The following ZNF225 variants were observed in gnomAD, a reference collection of about 807,000 sequenced individuals.
The protein encoded by ZNF225 is zinc finger protein 225.
In ZNF225, 6 loss-of-function variants were observed where a neutral mutation model predicts 12.0. The ratio of observed to expected loss-of-function variants is 0.50; its 90% CI spans 0.27 to 0.98. The LOEUF (loss-of-function observed/expected upper bound fraction) is 0.98, where lower values mean the gene tolerates loss of function less well. Among genes scored for constraint, ZNF225 ranks in the 50% least tolerant of loss-of-function variants. The pLI is 0.11. For synonymous variants in ZNF225, 271 were observed against 283.2 expected (o/e 0.96, Z 0.43); for missense variants, 763 against 848.2 (o/e 0.90, Z 1.25).
chr19:44,116,180 C>T (rs891160704), intron 2 of ZNF225, among the ~76,000 whole-genome samples: 6 of 152,190 alleles, frequency 3.9e-5, no homozygotes, highest in Non-Finnish European at 7.3e-5. Flanking sequence ...TCTCACTACT[C>T]ATATTCTCAC....
At chr19:44,124,678 T>C (rs1255730938) in intron 4 of ZNF225, among the ~76,000 whole-genome samples, 1 of 152,184 alleles carries the variant, frequency 6.6e-6, no homozygotes, top group Non-Finnish European at 1.5e-5. Flanking sequence ...AGTAATTGTT[T>C]TATAAATTTG....
At chr19:44,127,400 C>T (rs1968169709) in intron 4 of ZNF225, among the ~76,000 whole-genome samples, 1 of 152,326 alleles carries the variant, frequency 6.6e-6, no homozygotes, top group Admixed American at 6.5e-5. Context: ...TCTCCAGGGT[C>T]CTGCAGGAGC....
chr19:44,118,454 C>G (rs370346059), intron 3 of ZNF225, 28 bp from the exon 4 acceptor site: 1 of 1,613,074 alleles, frequency 6.2e-7, no homozygotes, highest in Non-Finnish European at 8.5e-7. Flanking sequence ...TATATTGGCA[C>G]TAAGCACATG....
intron 4 of ZNF225, among the ~76,000 whole-genome samples, chr19:44,124,718 T>A (rs1055427606): frequency 6.6e-6 from 1 of 152,210 alleles, no homozygotes; most frequent in Non-Finnish European, 1.5e-5. Context: ...CATATATGTT[T>A]AGGATTATGA....
rs142304147 is a variant in ZNF225, at chr19:44,127,670, C to T, written c.236-3180C>T. On this transcript the variant is annotated intron_variant, in intron 4 of 4. Transcript: ENST00000262894. Reference sequence around the variant, plus strand: ...TTTTATTTTATTTTATTTTTTGAGACGGAGTCTGCCTCTGTCACACAGACT... The same window carrying T: ...TTTTATTTTATTTTATTTTTTGAGATGGAGTCTGCCTCTGTCACACAGACT... Among the ~76,000 whole-genome samples the T allele has an allele frequency of 6.3e-3, 963 of 151,952 alleles. 12 individuals are homozygous for T. The highest frequency in any genetic ancestry group is 0.022 in the African/African-American group (906 of 41,390).
In ZNF225 at chr19:44,133,641, A is replaced by G. The variant is rs1968331858; in HGVS notation, c.*906A>G. 1 of 152,170 alleles carries G rather than the reference A, an allele frequency of 6.6e-6. No individual in the cohort carries two copies. Among genetic ancestry groups the G allele is most frequent in the African/African-American group, 2.4e-5 (1 of 41,432 alleles). The allele number at this position is 152,170 out of a possible 1,614,324, so 9.4% of individuals were successfully genotyped here. On this transcript the variant is annotated 3_prime_UTR_variant, in exon 5 of 5. Coordinates refer to ENST00000262894, the MANE Select transcript of ZNF225 (RefSeq NM_013362.4). ...TATGGGTAGGGAACAATAGCATGACAGCAGTGCGGCCTCTAACAGTCTGGA... is the reference window on the plus strand; with the variant it reads ...TATGGGTAGGGAACAATAGCATGACGGCAGTGCGGCCTCTAACAGTCTGGA...
intron 4 of ZNF225, among the ~76,000 whole-genome samples, chr19:44,122,212 G>A (rs1278139059): frequency 6.6e-6 from 1 of 152,128 alleles, no homozygotes; most frequent in Non-Finnish European, 1.5e-5. Flanking sequence ...TCTCCTACAT[G>A]TGGCTAGCCA....
At chr19:44,123,908 G>C (rs1350412371) in intron 4 of ZNF225, among the ~76,000 whole-genome samples, 4 of 151,940 alleles carry the variant, frequency 2.6e-5, no homozygotes, top group African/African-American at 9.7e-5. Flanking sequence ...CTTGCTAATG[G>C]CCTATCAATT....
intron 1 of ZNF225, among the ~76,000 whole-genome samples, chr19:44,113,795 C>T (rs1207058039): frequency 6.6e-6 from 1 of 152,204 alleles, no homozygotes; most frequent in Non-Finnish European, 1.5e-5. Flanking sequence ...CCTTGGGTCT[C>T]CCGTTACAGT....
chr19:44,113,509 T>C lies in ZNF225; in HGVS notation c.-129T>C, dbSNP rs929621281. On this transcript the variant is annotated 5_prime_UTR_variant, in exon 1 of 5. Transcript: ENST00000262894. ...CTTCTGAATTTCCTGGACCTACGCA[T>C]TGGATCCTTAACGAACTGGTGATCG... 1 of 152,180 alleles carries C rather than the reference T, an allele frequency of 6.6e-6. No individual in the cohort carries two copies. The highest frequency in any genetic ancestry group is 2.4e-5 in the African/African-American group (1 of 41,436). The allele number at this position is 152,180 out of a possible 1,614,324, so 9.4% of individuals were successfully genotyped here.
chr19:44,131,811 A>G lies in ZNF225; in HGVS notation c.1197A>G (p.Thr399=). 1 of 1,614,190 alleles carries G rather than the reference A, an allele frequency of 6.2e-7. No homozygotes were observed. Among genetic ancestry groups the G allele is most frequent in the Non-Finnish European group, 8.5e-7 (1 of 1,180,024 alleles). The change falls in exon 5 of 5, where the codon ACA becomes ACG. Residue 399 remains threonine (T), a synonymous_variant. Coordinates refer to ENST00000262894, the MANE Select transcript of ZNF225 (RefSeq NM_013362.4). The part of the protein sequence containing the change: ...RHVRVHSGET[T]FKCEECGKGF... ...TGCGAGTCCACAGTGGAGAGACAACATTCAAATGTGAAGAATGTGGGAAGG... is the reference window on the plus strand; with the variant it reads ...TGCGAGTCCACAGTGGAGAGACAACGTTCAAATGTGAAGAATGTGGGAAGG...
intron 4 of ZNF225, among the ~76,000 whole-genome samples, chr19:44,124,647 A>G (rs1485880535): frequency 1.3e-5 from 2 of 152,166 alleles, no homozygotes; most frequent in Non-Finnish European, 2.9e-5. Flanking sequence ...GTTGCTGTCT[A>G]CCACATTTCT....
intron 2 of ZNF225, 76 bp from the exon 3 acceptor site, chr19:44,118,110 CCT>C (rs1323064960): frequency 1.3e-6 from 2 of 1,498,092 alleles, no homozygotes; most frequent in Non-Finnish European, 8.9e-7. Flanking sequence ...TCATTCCTCC[CCT>C]CTGTCTGCTC....
intron 4 of ZNF225, chr19:44,128,347 G>T (rs1440902107): frequency 6.6e-6 from 1 of 152,154 alleles, no homozygotes; most frequent in African/African-American, 2.4e-5. Flanking sequence ...TAGAGACATG[G>T]TGCTGTATTT....
rs201617202 is a variant in ZNF225, at chr19:44,132,068, A to G, written c.1454A>G (p.Lys485Arg). Residue 485 changes from lysine (K) to arginine (R), a missense_variant, in exon 5 of 5, where the codon AAA (lysine) becomes AGA (arginine). Coordinates refer to ENST00000262894, the MANE Select transcript of ZNF225 (RefSeq NM_013362.4). ...ATCCACAGTGGAGAAAAACCATTTA[A>G]ATGTGAAGAATGTGGGAAAAGATTT... is the stretch of plus-strand genomic sequence containing the variant. ...QRIHSGEKPF[K>R]CEECGKRFTQ... is the part of the protein sequence containing the mutation. The G allele has an allele frequency of 1.3e-5, 21 of 1,613,824 alleles. No individual in the cohort carries two copies. The highest frequency in any genetic ancestry group is 1.7e-5 in the Non-Finnish European group (20 of 1,179,994).
Position 44,130,879 on chromosome 19 carries a change from G to A in ZNF225, c.265G>A (p.Val89Ile), listed in dbSNP as rs1317219586. 1.9e-6 allele frequency: 3 copies of A among 1,613,242 alleles called. No individual in the cohort carries two copies. Among genetic ancestry groups the A allele is most frequent in the Non-Finnish European group, 2.5e-6 (3 of 1,179,658 alleles). ...CAAGATCCAAATGGAGATGGAGACT[G>A]TTTCAGAATCAGGAACACATGAAGG... The part of the protein sequence containing the change: ...GGKIQMEMET[V>I]SESGTHEGLF... Residue 89 changes from valine (V) to isoleucine (I), a missense_variant, in exon 5 of 5, where the codon GTT becomes ATT. Val to Ile is a conservative substitution (Grantham distance 29). Coordinates refer to ENST00000262894, the MANE Select transcript of ZNF225 (RefSeq NM_013362.4).
rs1968284399 is a variant in ZNF225, at chr19:44,132,178, A to G, written c.1564A>G (p.Thr522Ala). The change falls in exon 5 of 5, where the codon ACT becomes GCT. Residue 522 changes from threonine (T) to alanine (A), a missense_variant. Physicochemically the swap from Thr to Ala is moderately conservative, Grantham distance 58. Transcript: ENST00000262894. ...FKCEECGKRF[T>A]QNSQLYSHRR... ...ATGTGAAGAGTGTGGGAAAAGATTT[A>G]CTCAGAATTCACAACTTTATTCTCA... 1.9e-6 allele frequency: 3 copies of G among 1,613,466 alleles called. No individual in the cohort carries two copies. Among genetic ancestry groups the G allele is most frequent in the African/African-American group, 1.3e-5 (1 of 74,680 alleles).
At chr19:44,114,312 T>C (rs1967894261) in intron 1 of ZNF225, 1 of 522,854 alleles carries the variant, frequency 1.9e-6, no homozygotes, top group Non-Finnish European at 3.5e-6. Flanking sequence ...TCAGTTGTCA[T>C]GTTTTTCTAG....
chr19:44,120,182 ACTCCAGC>A (rs527260393), intron 4 of ZNF225, among the ~76,000 whole-genome samples: 26 of 152,258 alleles, frequency 1.7e-4, no homozygotes, highest in Non-Finnish European at 2.9e-4. Flanking sequence ...GCGCCACCGC[ACTCCAGC>A]CTTGGTGACA....
Sources: allele counts gnomAD v4.1 joint callset (sites outside exome capture counted in the v4.1 genomes callset), GRCh38; gene constraint gnomAD v4.1.1; transcripts MANE v1.5; gene names NCBI Gene and HGNC (gene_info 2026-07-23, HGNC 2026-07-21).